Variants in OPCML observed in about 807,000 individuals in gnomAD.
OPCML encodes the protein opioid-binding protein/cell adhesion molecule.
Under a neutral mutation model 37.8 loss-of-function variants are expected in OPCML, and 13 were observed. That is an observed-to-expected ratio of 0.34 (90% CI 0.22 to 0.55). The LOEUF is 0.55. Ranked by LOEUF, OPCML falls within the 20% of genes least tolerant of loss-of-function variation. The pLI is 0.91. For synonymous variants in OPCML, 176 were observed against 168.8 expected, an observed-to-expected ratio of 1.04 and a Z score of -0.33; for missense variants, 341 against 435.6, an observed-to-expected ratio of 0.78 and a Z score of 1.93.
chr11:133,220,280 A>G (rs1367921277), intron 1 of OPCML, among the ~76,000 whole-genome samples: 2 of 152,294 alleles, frequency 1.3e-5, no homozygotes, highest in African/African-American at 4.8e-5. Flanking sequence ...GAGGAAGAGC[A>G]CAAAGAATGT....
chr11:133,330,585 G>A (rs1943595753), intron 1 of OPCML, among the ~76,000 whole-genome samples: 1 of 151,336 alleles, frequency 6.6e-6, no homozygotes, highest in Non-Finnish European at 1.5e-5. Context: ...CTATTGCAGG[G>A]ACAAAAAACC....
intron 1 of OPCML, among the ~76,000 whole-genome samples, chr11:133,486,807 G>GCT (rs150525574): frequency 8.8e-5 from 13 of 148,476 alleles, no homozygotes; most frequent in East Asian, 7.9e-4. Context: ...CCTCTGGCTT[G>GCT]CTCTCTCTCT....
intron 1 of OPCML, among the ~76,000 whole-genome samples, chr11:133,505,578 A>G (rs917294743): frequency 6.6e-6 from 1 of 152,166 alleles, no homozygotes; most frequent in Admixed American, 6.5e-5. Flanking sequence ...CTCAGACTTC[A>G]TCCCAGAAAC....
intron 4 of OPCML, among the ~76,000 whole-genome samples, chr11:132,440,202 G>A (rs1367009074): frequency 1.3e-5 from 2 of 152,120 alleles, no homozygotes. Flanking sequence ...ATGGAAGGAA[G>A]GAAGGAAGAA....
intron 4 of OPCML, among the ~76,000 whole-genome samples, chr11:132,490,415 A>G (rs1238010765): frequency 6.6e-6 from 1 of 151,996 alleles, no homozygotes; most frequent in Non-Finnish European, 1.5e-5. Flanking sequence ...TGCTTGGTGA[A>G]GAGCTCCAGG....
At chr11:132,623,858 TG>T (rs1939577128) in intron 3 of OPCML, among the ~76,000 whole-genome samples, 1 of 152,258 alleles carries the variant, frequency 6.6e-6, no homozygotes, top group Non-Finnish European at 1.5e-5. Flanking sequence ...CTGAAAGAAC[TG>T]TCACAAGTTT....
intron 1 of OPCML, among the ~76,000 whole-genome samples, chr11:133,469,679 T>G (rs951628032): frequency 6.6e-6 from 1 of 152,162 alleles, no homozygotes; most frequent in Non-Finnish European, 1.5e-5. Flanking sequence ...ACCTTCAGAC[T>G]CCTCCGTCTG....
chr11:133,119,534 T>C (rs1346075645), intron 1 of OPCML, among the ~76,000 whole-genome samples: 1 of 152,004 alleles, frequency 6.6e-6, no homozygotes, highest in Non-Finnish European at 1.5e-5. Context: ...CACTGGGAAT[T>C]AGTAACATAC....
intron 1 of OPCML, among the ~76,000 whole-genome samples, chr11:133,516,200 G>A (rs965264951): frequency 5.9e-5 from 9 of 152,138 alleles, no homozygotes; most frequent in Non-Finnish European, 2.9e-5. Flanking sequence ...GCAGCTCTGG[G>A]GAAGGCTCTG....
intron 1 of OPCML, among the ~76,000 whole-genome samples, chr11:133,510,921 A>T (rs1948144600): frequency 6.6e-6 from 1 of 150,756 alleles, no homozygotes; most frequent in Admixed American, 6.6e-5. Flanking sequence ...ACACACACAC[A>T]CTCCAATCTC....
At chr11:133,027,324 A>G (rs903068392) in intron 1 of OPCML, among the ~76,000 whole-genome samples, 1 of 152,240 alleles carries the variant, frequency 6.6e-6, no homozygotes, top group African/African-American at 2.4e-5. Flanking sequence ...AAGTGCTAAG[A>G]AAGTGCTGAG....
At chr11:133,361,314 G>A (rs28392748) in intron 1 of OPCML, 11,601 of 152,408 alleles carry the variant, frequency 0.076, 503 homozygotes, top group Admixed American at 0.14. Flanking sequence ...CTCGCTGGCT[G>A]CCTGGAACCA....
intron 1 of OPCML, among the ~76,000 whole-genome samples, chr11:133,370,478 C>G (rs528183716): frequency 1.5e-3 from 159 of 102,988 alleles, no homozygotes; most frequent in Non-Finnish European, 2.5e-3. Flanking sequence ...TACAATAGCT[C>G]AAACAGAAAA....
chr11:132,960,602 G>C (rs1946072478), intron 1 of OPCML, among the ~76,000 whole-genome samples: 1 of 152,158 alleles, frequency 6.6e-6, no homozygotes, highest in Non-Finnish European at 1.5e-5. Context: ...CTCTCCATCT[G>C]TCTGTCTTCC....
At chr11:132,570,397 G>A (rs1181741177) in intron 3 of OPCML, among the ~76,000 whole-genome samples, 4 of 152,018 alleles carry the variant, frequency 2.6e-5, no homozygotes, top group Non-Finnish European at 5.9e-5. Context: ...ATGTTTTGAG[G>A]GGAAAGTTTG....
At chr11:133,532,112 C>T in intron 1 of OPCML, 152 bp downstream of exon 1, 1 of 1,283,864 alleles carries the variant, frequency 7.8e-7, no homozygotes, top group Non-Finnish European at 1.1e-6. Context: ...TGTGTGCGTG[C>T]ACACAGCAAG....
Position 133,495,134 on chromosome 11 carries a change from A to G in OPCML, c.61+37130T>C, listed in dbSNP as rs145584250. ...TGCATCCTCATAGCTTAGCTCCTTT[A>G]TATCTGTGAGAACATACAATGTTTG... On this transcript the variant is annotated intron_variant, in intron 1 of 7. Coordinates refer to ENST00000524381, the MANE Select transcript of OPCML (RefSeq NM_001012393.5). Among the ~76,000 whole-genome samples, 676 of 152,140 alleles carry G rather than the reference A, an allele frequency of 4.4e-3. 6 individuals are homozygous for G. Among genetic ancestry groups the G allele is most frequent in the African/African-American group, 0.015 (634 of 41,500 alleles).
Position 133,335,327 on chromosome 11 carries a change from C to G in OPCML, c.61+196937G>C, listed in dbSNP as rs551791281. On this transcript the variant is annotated intron_variant, in intron 1 of 7. Coordinates refer to ENST00000524381, the MANE Select transcript of OPCML (RefSeq NM_001012393.5). ...GTCCAGGTGACTAGATTTCCTAACT[C>G]CAAATCCAGTTCTCATTTCAACACA... Among the ~76,000 whole-genome samples, 5 of 152,296 alleles carry G rather than the reference C, an allele frequency of 3.3e-5. No homozygotes were observed. In the South Asian group the frequency reaches 1.0e-3, roughly 32 times the overall value.
At chr11:132,458,668 T>C (rs953723886) in intron 4 of OPCML, among the ~76,000 whole-genome samples, 15 of 152,172 alleles carry the variant, frequency 9.9e-5, no homozygotes, top group African/African-American at 3.6e-4. Flanking sequence ...AAAACACTGA[T>C]AAACCCATTA....
Sources: gnomAD v4.1 joint callset for allele counts (sites outside exome capture counted in the v4.1 genomes callset) on GRCh38, gnomAD v4.1.1 for gene constraint, MANE v1.5 for transcripts, NCBI Gene and HGNC (gene_info 2026-07-23, HGNC 2026-07-21) for gene names.